The following IFT80 variants were observed in gnomAD, a reference collection of about 807,000 sequenced individuals.
IFT80 encodes intraflagellar transport protein 80 homolog.
IFT80 carries 79 observed loss-of-function variants against 107.9 expected under a neutral mutation model. The observed-to-expected ratio is 0.73, with a 90% CI of 0.61 to 0.88. The LOEUF (loss-of-function observed/expected upper bound fraction) is 0.88. Among genes scored for constraint, IFT80 ranks in the 40% least tolerant of loss-of-function variants. The pLI is 0.00. For synonymous variants in IFT80, 299 were observed against 300.9 expected, an observed-to-expected ratio of 0.99 and a Z score of 0.07; for missense variants, 797 against 914.2, an observed-to-expected ratio of 0.87 and a Z score of 1.65.
chr3:160,380,941 A>G (rs1712442210), intron 3 of IFT80, among the ~76,000 whole-genome samples: 1 of 152,056 alleles, frequency 6.6e-6, no homozygotes, highest in Non-Finnish European at 1.5e-5. Flanking sequence ...AGAGTACTAA[A>G]AAAGTAAAGC....
At chr3:160,264,480 T>C (rs1250182590) in intron 19 of IFT80, among the ~76,000 whole-genome samples, 1 of 151,666 alleles carries the variant, frequency 6.6e-6, no homozygotes, top group Non-Finnish European at 1.5e-5. Context: ...TGGAGTGTAG[T>C]GGCACGACCT....
chr3:160,308,096 AG>A (rs2108277681), intron 9 of IFT80, among the ~76,000 whole-genome samples: 2 of 152,304 alleles, frequency 1.3e-5, no homozygotes, highest in South Asian at 4.1e-4. Flanking sequence ...ATATAGTCAA[AG>A]GAGGGTGGCA....
chr3:160,376,794 AT>A (rs954976995), intron 4 of IFT80, among the ~76,000 whole-genome samples: 1 of 152,226 alleles, frequency 6.6e-6, no homozygotes, highest in Non-Finnish European at 1.5e-5. Context: ...CAAGGAATTA[AT>A]TAAGGTCTCC....
intron 8 of IFT80, among the ~76,000 whole-genome samples, chr3:160,323,789 G>A (rs1312734127): frequency 6.6e-6 from 1 of 151,950 alleles, no homozygotes; most frequent in Non-Finnish European, 1.5e-5. Context: ...GAGCAGAACT[G>A]AAGGAAATAG....
chr3:160,360,053 T>C (rs1379680900), intron 6 of IFT80, among the ~76,000 whole-genome samples: 1 of 151,864 alleles, frequency 6.6e-6, no homozygotes, highest in African/African-American at 2.4e-5. Context: ...ATAACAAACT[T>C]CCCCAAGCTA....
chr3:160,356,517 T>C (rs1242306253), intron 7 of IFT80, among the ~76,000 whole-genome samples: 1 of 152,154 alleles, frequency 6.6e-6, no homozygotes, highest in African/African-American at 2.4e-5. Context: ...GTTCTTAGCT[T>C]TGTTTTGTTT....
At chr3:160,281,802 C>T (rs1714711768) in intron 14 of IFT80, among the ~76,000 whole-genome samples, 1 of 152,152 alleles carries the variant, frequency 6.6e-6, no homozygotes, top group African/African-American at 2.4e-5. Flanking sequence ...CAGGTGTTGG[C>T]AGGCCACTAT....
At chr3:160,396,593 T>C (rs1250867865) in intron 1 of IFT80, among the ~76,000 whole-genome samples, 1 of 152,150 alleles carries the variant, frequency 6.6e-6, no homozygotes, top group African/African-American at 2.4e-5. Flanking sequence ...TTTTCTAATG[T>C]AAAAAGTGAG....
intron 2 of IFT80, chr3:160,383,514 G>T (rs1198993502): frequency 1.2e-6 from 1 of 815,786 alleles, no homozygotes; most frequent in Middle Eastern, 6.4e-4. Flanking sequence ...TCTTTATTTC[G>T]AATCCATTGC....
Position 160,270,409 on chromosome 3 carries a change from T to C in IFT80, c.2100-1873A>G, listed in dbSNP as rs1187641291. Among the ~76,000 whole-genome samples, 18 of 152,216 alleles carry C rather than the reference T, an allele frequency of 1.2e-4. 1 individual carries two copies. The highest frequency in any genetic ancestry group is 1.2e-3 in the Admixed American group (18 of 15,272). On this transcript the variant is annotated intron_variant, in intron 18 of 19. Coordinates refer to ENST00000326448, the MANE Select transcript of IFT80 (RefSeq NM_020800.3). The stretch of plus-strand genomic sequence containing the variant: ...AGACTTTTGAGAGATATTAAACACT[T>C]AATATGCAAAAATTATGAATGTAAG...
chr3:160,334,232 G>A (rs1289407785), intron 8 of IFT80, among the ~76,000 whole-genome samples: 2 of 152,178 alleles, frequency 1.3e-5, no homozygotes, highest in Non-Finnish European at 2.9e-5. Context: ...TGTGCTTTCA[G>A]TGATATATAC....
chr3:160,389,383 G>A (rs1713183440), intron 1 of IFT80, among the ~76,000 whole-genome samples: 1 of 151,674 alleles, frequency 6.6e-6, no homozygotes, highest in African/African-American at 2.4e-5. Context: ...ACAATGTGCA[G>A]GTTAGTTACA....
intron 8 of IFT80, among the ~76,000 whole-genome samples, chr3:160,341,178 T>G (rs1252637035): frequency 6.6e-6 from 1 of 152,052 alleles, no homozygotes; most frequent in African/African-American, 2.4e-5. Flanking sequence ...GCTGATTCTT[T>G]TCTGGTACTT....
In IFT80 at chr3:160,280,724, T is replaced by C. The variant is rs1299756605; in HGVS notation, c.1607A>G (p.Asn536Ser). Residue 536 changes from asparagine to serine, a missense_variant, in exon 15 of 20, where the codon AAT (asparagine) becomes AGT (serine). By Grantham distance (46) the Asn-to-Ser change is conservative. Transcript: ENST00000326448. ...AATGTCTCTGTCCACATAAACTGTATTGGGGTAATACCACACTATAAATCG... is the reference window on the plus strand; with the variant it reads ...AATGTCTCTGTCCACATAAACTGTACTGGGGTAATACCACACTATAAATCG... ...DTRFIVWYYP[N>S]TVYVDRDILP... 1.3e-5 allele frequency: 21 copies of C among 1,612,744 alleles called. No individual in the cohort carries two copies. The highest frequency in any genetic ancestry group is 1.6e-5 in the Non-Finnish European group (19 of 1,179,036).
At chr3:160,268,716 C>G in intron 18 of IFT80, 180 bp from the exon 19 acceptor site, 1 of 587,028 alleles carries the variant, frequency 1.7e-6, no homozygotes, top group Non-Finnish European at 3.0e-6. Flanking sequence ...GGGCCCAGAT[C>G]AAACATGGCC....
At chr3:160,270,746 T>C (rs1713733845) in intron 18 of IFT80, among the ~76,000 whole-genome samples, 2 of 152,250 alleles carry the variant, frequency 1.3e-5, no homozygotes, top group South Asian at 4.1e-4. Flanking sequence ...AATCCCCCCA[T>C]GTATATCCCT....
intron 1 of IFT80, among the ~76,000 whole-genome samples, chr3:160,392,058 T>C (rs1355225197): frequency 6.6e-6 from 1 of 152,190 alleles, no homozygotes; most frequent in Non-Finnish European, 1.5e-5. Context: ...GATACAGACT[T>C]TCATAAGGGA....
At chr3:160,287,881 G>A (rs1715214777) in intron 12 of IFT80, among the ~76,000 whole-genome samples, 1 of 152,132 alleles carries the variant, frequency 6.6e-6, no homozygotes, top group Admixed American at 6.5e-5. Flanking sequence ...TTGGATTCTT[G>A]CCAGTTCAAG....
At chr3:160,283,862 C>T (rs1714888195) in intron 13 of IFT80, among the ~76,000 whole-genome samples, 1 of 152,212 alleles carries the variant, frequency 6.6e-6, no homozygotes, top group Non-Finnish European at 1.5e-5. Flanking sequence ...GTCCTACCAC[C>T]TCCACATAGG....
Sources: allele counts gnomAD v4.1 joint callset (sites outside exome capture counted in the v4.1 genomes callset), GRCh38; gene constraint gnomAD v4.1.1; transcripts MANE v1.5; gene names NCBI Gene and HGNC (gene_info 2026-07-23, HGNC 2026-07-21).